The following HYDIN variants were observed in gnomAD, a reference collection of about 807,000 sequenced individuals.
HYDIN encodes HYDIN axonemal central pair apparatus protein, also known as axonemal central pair apparatus protein HYDIN.
A neutral mutation model predicts 403.9 loss-of-function variants in HYDIN; 132 were observed. That is an observed-to-expected ratio of 0.33 (90% confidence interval 0.28 to 0.38). The LOEUF (loss-of-function observed/expected upper bound fraction) is 0.38, where lower values mean the gene tolerates loss of function less well. Among genes scored for constraint, HYDIN ranks in the 10% least tolerant of loss-of-function variants. HYDIN has a pLI of 1.00. For synonymous variants in HYDIN, 1,202 were observed against 1,891.7 expected (o/e 0.64, Z 9.46); for missense variants, 2,827 against 5,009.5 (o/e 0.56, Z 13.15).
At chr16:70,833,526 T>A (rs2037161416) in intron 79 of HYDIN, among the ~76,000 whole-genome samples, 1 of 134,322 alleles carries the variant, frequency 7.4e-6, no homozygotes, top group Admixed American at 7.5e-5. Context: ...CTGTTCTGGG[T>A]GGCACTGGTA....
chr16:71,204,399 T>A (rs1460198605), intron 1 of HYDIN, among the ~76,000 whole-genome samples: 2 of 152,212 alleles, frequency 1.3e-5, no homozygotes, highest in Non-Finnish European at 2.9e-5. Context: ...AGTGCTTTCA[T>A]CAATCTCCAC....
intron 9 of HYDIN, among the ~76,000 whole-genome samples, chr16:71,116,230 C>A (rs918657231): frequency 1.0e-5 from 1 of 97,848 alleles, no homozygotes; most frequent in Non-Finnish European, 1.9e-5. Context: ...TGAGTTAGAC[C>A]TTTTTTTTTT....
rs1426541814 is a variant in HYDIN at position 70,943,871 on chromosome 16, G to A, written c.6610C>T (p.Leu2204=). 1 of 1,613,680 alleles carries A rather than the reference G, an allele frequency of 6.2e-7. No homozygotes were observed. The highest frequency in any genetic ancestry group is 2.2e-5 in the East Asian group (1 of 44,884). The change falls in exon 42 of 86, where the codon CTG becomes TTG. Residue 2204 remains leucine (L), a synonymous_variant. Transcript: ENST00000393567. ...VSPSVGGETG[L]MSCVLPDELL... Reference sequence around the variant, plus strand: ...TCATCCGGGAGCACACAGCTCATCAGCCCGGTCTCGCCTCCGACACTGGGA... The same window carrying A: ...TCATCCGGGAGCACACAGCTCATCAACCCGGTCTCGCCTCCGACACTGGGA...
chr16:71,219,190 T>C (rs1262372432), intron 1 of HYDIN, among the ~76,000 whole-genome samples: 1 of 152,164 alleles, frequency 6.6e-6, no homozygotes, highest in African/African-American at 2.4e-5. Context: ...CTTAGGCTCA[T>C]AATAGCAGTT....
rs1254186083 is a variant in HYDIN at position 70,906,579 on chromosome 16, T to C, written c.8516+793A>G. ...GAAATTCCAACCTCTTCCTTCCATT[T>C]CCTCTCAGCATGCAAGCCTCATAAG... On this transcript the variant is annotated intron_variant, in intron 50 of 85. Transcript: ENST00000393567. 2.0e-5 allele frequency among the ~76,000 whole-genome samples: 3 copies of C among 152,102 alleles called. No individual in the cohort carries two copies. In the East Asian group the frequency reaches 5.8e-4, roughly 29 times the overall value.
chr16:70,917,326 C>T (rs1418873919), intron 47 of HYDIN, among the ~76,000 whole-genome samples: 17 of 152,248 alleles, frequency 1.1e-4, no homozygotes, highest in South Asian at 2.1e-4. Context: ...TGCCCACCGA[C>T]GCTACTGATC....
At chr16:70,851,240 A>C (rs1426673472) in intron 73 of HYDIN, among the ~76,000 whole-genome samples, 3 of 147,538 alleles carry the variant, frequency 2.0e-5, no homozygotes, top group Non-Finnish European at 3.0e-5. Context: ...GTAAGAAAGG[A>C]AAAAAGCTGC....
chr16:70,964,412 G>C (rs778690706), intron 37 of HYDIN, among the ~76,000 whole-genome samples: 1 of 151,120 alleles, frequency 6.6e-6, no homozygotes, highest in African/African-American at 2.4e-5. Flanking sequence ...GCCTCTCTGC[G>C]CTTCAGTTTC....
chr16:71,129,415 T>C lies in HYDIN; in HGVS notation c.1227+225A>G, dbSNP rs536762661. Among the ~76,000 whole-genome samples the C allele has an allele frequency of 2.6e-5, 4 of 152,350 alleles. No individual in the cohort carries two copies. In the East Asian group the frequency reaches 7.7e-4, roughly 29 times the overall value. The stretch of plus-strand genomic sequence containing the variant: ...AACTGCATAATCCCTAGGAAGTGGT[T>C]AACACAGTGACTGATGCATGGAAAT... On this transcript the variant is annotated intron_variant, in intron 9 of 85. Transcript: ENST00000393567.
chr16:71,070,467 C>A (rs184562814), intron 13 of HYDIN, among the ~76,000 whole-genome samples: 8 of 149,186 alleles, frequency 5.4e-5, no homozygotes, highest in Admixed American at 2.0e-4. Flanking sequence ...TACAGGTGTG[C>A]GCCACCATGC....
chr16:71,180,608 TAGAC>T (rs965322139), intron 3 of HYDIN, among the ~76,000 whole-genome samples: 7 of 112,572 alleles, frequency 6.2e-5, no homozygotes, highest in Non-Finnish European at 1.2e-4. Context: ...CATAGACAGA[TAGAC>T]AGATAGATGA....
intron 9 of HYDIN, among the ~76,000 whole-genome samples, chr16:71,127,800 CCA>C (rs1006800089): frequency 2.6e-5 from 4 of 152,200 alleles, no homozygotes; most frequent in African/African-American, 9.7e-5. Flanking sequence ...CCCAGCTCAG[CCA>C]CCTGCTTGCA....
In HYDIN at chr16:70,974,244, A is replaced by T; in HGVS notation, c.4966T>A (p.Phe1656Ile). 8 of 1,609,488 alleles carry T rather than the reference A, an allele frequency of 5.0e-6. No individual in the cohort carries two copies. Among genetic ancestry groups the T allele is most frequent in the Non-Finnish European group, 6.8e-6 (8 of 1,177,662 alleles). Residue 1656 changes from phenylalanine (F) to isoleucine (I), a missense_variant, in exon 33 of 86, where the codon TTT becomes ATT. Phe to Ile is a conservative substitution (Grantham distance 21). Coordinates refer to ENST00000393567, the MANE Select transcript of HYDIN (RefSeq NM_001270974.2). ...CCCTGTGGGTCAAATCTCACTTCAA[A>T]TATTTCCGTTTCACAATGAGGTAGA... is the stretch of plus-strand genomic sequence containing the variant. ...KNLPHCETEI[F>I]EVRFDPQGAN...
chr16:71,110,476 A>AAT lies in HYDIN; in HGVS notation c.1327+5218_1327+5219dup, dbSNP rs111905770. Among the ~76,000 whole-genome samples, 1,347 of 140,350 alleles carry AAT rather than the reference A, an allele frequency of 9.6e-3. 4 individuals carry two copies. Among genetic ancestry groups the AAT allele is most frequent in the East Asian group, 0.053 (233 of 4,396 alleles). The allele number at this position is 140,350 out of a possible 152,430, so 92.1% of individuals were successfully genotyped here. A position where few individuals can be genotyped will look rare whatever the true frequency, so the allele number is the denominator to read the frequency against. On this transcript the variant is annotated intron_variant, in intron 10 of 85. Coordinates refer to ENST00000393567, the MANE Select transcript of HYDIN (RefSeq NM_001270974.2). Reference sequence around the variant, plus strand: ...ATATAAATATATATAAACATATATAAATATATATAATATATATATTTCATA... The same window carrying AAT: ...ATATAAATATATATAAACATATATAAATATATATATAATATATATATTTCATA...
intron 1 of HYDIN, among the ~76,000 whole-genome samples, chr16:71,207,330 C>T (rs115190106): frequency 0.019 from 2,885 of 152,264 alleles, 89 homozygotes; most frequent in African/African-American, 0.065. Context: ...TCAAACTAAA[C>T]TTCATAAGCA....
chr16:70,875,537 T>C (rs1331647677), intron 62 of HYDIN, among the ~76,000 whole-genome samples: 4 of 152,038 alleles, frequency 2.6e-5, no homozygotes, highest in African/African-American at 7.3e-5. Flanking sequence ...GGCACCATCA[T>C]GAAAAAGATT....
Position 71,175,679 on chromosome 16 carries a change from T to C in HYDIN, c.444A>G (p.Lys148=). ...SSPYFKVISP[K]DIGHKVAPGV... Reference sequence around the variant, plus strand: ...CAGGAGCCACTTTGTGGCCAATATCTTTGGGGCTGATTACTTTAAAGTAAG... The same window carrying C: ...CAGGAGCCACTTTGTGGCCAATATCCTTGGGGCTGATTACTTTAAAGTAAG... Residue 148 remains lysine (K), a synonymous_variant, in exon 5 of 86, where the codon AAA becomes AAG. Coordinates refer to ENST00000393567, the MANE Select transcript of HYDIN (RefSeq NM_001270974.2). 6.2e-7 allele frequency: 1 copy of C among 1,614,114 alleles called. No individual in the cohort carries two copies.
intron 83 of HYDIN, among the ~76,000 whole-genome samples, chr16:70,820,109 C>G (rs1391862405): frequency 6.7e-6 from 1 of 149,888 alleles, no homozygotes; most frequent in Non-Finnish European, 1.5e-5. Context: ...CTTGAGCCAC[C>G]GCGCCTGGCC....
intron 18 of HYDIN, among the ~76,000 whole-genome samples, chr16:71,054,613 G>A (rs578096868): frequency 1.3e-5 from 2 of 152,304 alleles, no homozygotes; most frequent in South Asian, 4.2e-4. Flanking sequence ...GTTGCTATAA[G>A]AAGTTTAAAA....
Sources: gnomAD v4.1 joint callset for allele counts (sites outside exome capture counted in the v4.1 genomes callset) on GRCh38, gnomAD v4.1.1 for gene constraint, MANE v1.5 for transcripts, NCBI Gene and HGNC (gene_info 2026-07-23, HGNC 2026-07-21) for gene names.